Variants in UNC79 observed in about 807,000 individuals in gnomAD.
UNC79 encodes the protein protein unc-79 homolog.
Under a neutral mutation model 283.1 loss-of-function variants are expected in UNC79, and 37 were observed. That is an observed-to-expected ratio of 0.13 (90% CI 0.10 to 0.17). UNC79 has a LOEUF of 0.17. Among genes scored for constraint, UNC79 ranks in the 10% least tolerant of loss-of-function variants. The pLI is 1.00. For missense variants in UNC79, 2,272 were observed against 3,211.1 expected (o/e 0.71, Z 7.07); for synonymous variants, 1,107 against 1,200.2 (o/e 0.92, Z 1.61).
At chr14:93,657,335 G>T (rs983648584) in intron 38 of UNC79, among the ~76,000 whole-genome samples, 3 of 149,732 alleles carry the variant, frequency 2.0e-5, no homozygotes, top group Non-Finnish European at 4.4e-5. Context: ...AGAAGGGATG[G>T]GATGAGGTAT....
At chr14:93,609,230 C>G (rs1227322969) in intron 26 of UNC79, among the ~76,000 whole-genome samples, 2 of 152,138 alleles carry the variant, frequency 1.3e-5, no homozygotes, top group African/African-American at 4.8e-5. Flanking sequence ...AGAGAACCAC[C>G]TTGCAAGGTG....
At chr14:93,454,012 A>G (rs2056725124) in intron 1 of UNC79, among the ~76,000 whole-genome samples, 1 of 151,560 alleles carries the variant, frequency 6.6e-6, no homozygotes, top group African/African-American at 2.4e-5. Flanking sequence ...CATCTCTGGG[A>G]CATGTGAAGC....
At chr14:93,557,115 A>AAAGCT (rs758364780) in intron 14 of UNC79, among the ~76,000 whole-genome samples, 4 of 152,228 alleles carry the variant, frequency 2.6e-5, no homozygotes, top group Non-Finnish European at 4.4e-5. Flanking sequence ...TCTCTATATA[A>AAAGCT]AAGCTAAGCT....
chr14:93,350,446 T>C (rs1486062200), intron 1 of UNC79, among the ~76,000 whole-genome samples: 1 of 152,122 alleles, frequency 6.6e-6, no homozygotes, highest in African/African-American at 2.4e-5. Context: ...TAAAAAGAAC[T>C]GTAATGTAAG....
At chr14:93,473,385 C>T (rs1329131250) in intron 2 of UNC79, among the ~76,000 whole-genome samples, 1 of 152,068 alleles carries the variant, frequency 6.6e-6, no homozygotes, top group East Asian at 1.9e-4. Context: ...ATGCTATGGA[C>T]CATCAACTAT....
At chr14:93,707,036 G>T, downstream of UNC79, 1 of 1,156,286 alleles carries the variant, frequency 8.6e-7, no homozygotes, top group East Asian at 2.6e-5. Context: ...TAAAAGATGT[G>T]CAAAGGCCAG....
At chr14:93,574,339 G>A (rs2063358044) in intron 16 of UNC79, among the ~76,000 whole-genome samples, 1 of 152,188 alleles carries the variant, frequency 6.6e-6, no homozygotes, top group African/African-American at 2.4e-5. Context: ...GGACACTAAA[G>A]TGGTTAGAGT....
At position 93,529,530 on chromosome 14, in the gene UNC79, C is replaced by G. The variant is rs538406706; in HGVS notation, c.1093+204C>G. 6.6e-5 allele frequency among the ~76,000 whole-genome samples: 10 copies of G among 152,246 alleles called. No individual in the cohort carries two copies. The South Asian group carries it at 2.1e-3, about 32-fold the overall frequency. On this transcript the variant is annotated intron_variant, in intron 10 of 48. Coordinates refer to ENST00000555664, the Ensembl canonical transcript of UNC79. ...AATAATGCGGGAAGTAGTATCATCC[C>G]TACCAAAATTAAGGGTAGATATTGG...
intron 1 of UNC79, among the ~76,000 whole-genome samples, chr14:93,349,941 A>C (rs2053950515): frequency 6.6e-6 from 1 of 152,232 alleles, no homozygotes; most frequent in South Asian, 2.1e-4. Context: ...TAAAAATAAA[A>C]AAAATTAAGT....
At chr14:93,336,003 T>C (rs1284177733) in intron 1 of UNC79, among the ~76,000 whole-genome samples, 2 of 152,204 alleles carry the variant, frequency 1.3e-5, no homozygotes, top group Non-Finnish European at 2.9e-5. Context: ...TCATCTATGT[T>C]GAAAATAAGA....
intron 1 of UNC79, among the ~76,000 whole-genome samples, chr14:93,395,686 G>A (rs1161564892): frequency 6.6e-6 from 1 of 151,992 alleles, no homozygotes; most frequent in Non-Finnish European, 1.5e-5. Context: ...TTTTTTGTTT[G>A]TTTTTTGTTT....
intron 22 of UNC79, among the ~76,000 whole-genome samples, chr14:93,592,095 G>A (rs1049686502): frequency 2.6e-5 from 4 of 151,038 alleles, no homozygotes; most frequent in South Asian, 4.2e-4. Flanking sequence ...TAATAGATTC[G>A]TGTATAATTT....
chr14:93,372,813 G>C lies in UNC79; in HGVS notation c.-351+39290G>C, dbSNP rs188877171. On this transcript the variant is annotated intron_variant, in intron 1 of 49. Coordinates refer to the UNC79 transcript ENST00000256339. ...AACTCAACAACACCATCAATCAACTGGATGTAATGGTCATCTATAGACTAC... is the reference window on the plus strand; with the variant it reads ...AACTCAACAACACCATCAATCAACTCGATGTAATGGTCATCTATAGACTAC... Among the ~76,000 whole-genome samples the C allele has an allele frequency of 1.1e-3, 172 of 152,288 alleles. 1 individual carries two copies. The highest frequency in any genetic ancestry group is 3.8e-4 in the East Asian group (2 of 5,196).
In UNC79 at chr14:93,621,674, C is replaced by T. The variant is rs75849108; in HGVS notation, c.4441C>T (p.Leu1481Phe). 1,888 of 1,611,120 alleles carry T rather than the reference C, an allele frequency of 1.2e-3. 20 individuals carry two copies. In the African/African-American group the frequency reaches 0.022, roughly 19 times the overall value. Residue 1481 changes from leucine (L) to phenylalanine (F), a missense_variant, in exon 30 of 49, where the codon CTC becomes TTC. By Grantham distance (22) the Leu-to-Phe change is conservative. Transcript: ENST00000555664. This position sits in a 1 kb window ranked among gnomAD's most constrained non-coding sequence, Gnocchi z 4.8. ...GACGGGTGCATTACAAGACAGCCTT[C>T]TCCACTGTGTGAGAGAAGAAAGCAT...
chr14:93,336,148 G>A (rs1248984649), intron 1 of UNC79, among the ~76,000 whole-genome samples: 1 of 152,070 alleles, frequency 6.6e-6, no homozygotes, highest in Admixed American at 6.5e-5. Context: ...ATACAGGATG[G>A]AAGCTGGGTT....
intron 7 of UNC79, among the ~76,000 whole-genome samples, chr14:93,506,313 C>T (rs558032342): frequency 2.0e-5 from 3 of 151,952 alleles, no homozygotes; most frequent in South Asian, 2.1e-4. Context: ...ACTTCTGCCT[C>T]CTGGGTGCAA....
At chr14:93,703,281 G>A (rs188070522) in intron 47 of UNC79, among the ~76,000 whole-genome samples, 81 of 152,312 alleles carry the variant, frequency 5.3e-4, no homozygotes, top group African/African-American at 1.8e-3. Flanking sequence ...CAACAGAAAT[G>A]TATTCCCTGG....
chr14:93,600,793 T>C (rs2065441334), intron 25 of UNC79, 23 bp downstream of exon 25: 1 of 1,606,876 alleles, frequency 6.2e-7, no homozygotes, highest in Non-Finnish European at 8.5e-7. Context: ...AAGAACTTGC[T>C]GTAAACCGTT....
intron 23 of UNC79, among the ~76,000 whole-genome samples, chr14:93,596,132 A>C (rs1260002265): frequency 6.6e-6 from 1 of 152,252 alleles, no homozygotes; most frequent in Non-Finnish European, 1.5e-5. Context: ...TCAAGACCAC[A>C]AAATAAAATA....
Sources: gnomAD v4.1 joint callset for allele counts (sites outside exome capture counted in the v4.1 genomes callset) on GRCh38, gnomAD v4.1.1 for gene constraint, Gnocchi (gnomAD v3.1) non-coding constraint, MANE v1.5 for transcripts, NCBI Gene and HGNC (gene_info 2026-07-23, HGNC 2026-07-21) for gene names.